Variants in PHRF1 observed in about 807,000 individuals in gnomAD.
PHRF1 encodes PHD and RING finger domain-containing protein 1.
A neutral mutation model predicts 128.9 loss-of-function variants in PHRF1; 53 were observed. The ratio of observed to expected loss-of-function variants is 0.41; its 90% confidence interval spans 0.33 to 0.52. The LOEUF is 0.52. PHRF1 is among the 20% of genes least tolerant of loss of function. The pLI, the probability that PHRF1 is intolerant of heterozygous loss-of-function variation, is 0.21. For missense variants in PHRF1, 2,503 were observed against 2,284.5 expected, an observed-to-expected ratio of 1.10 and a Z score of -1.95; for synonymous variants, 1,178 against 980.6, an observed-to-expected ratio of 1.20 and a Z score of -3.76.
At chr11:594,998 CA>C (rs1855199572) in intron 6 of PHRF1, among the ~76,000 whole-genome samples, 1 of 152,170 alleles carries the variant, frequency 6.6e-6, no homozygotes, top group South Asian at 2.1e-4. Context: ...TTACAATTTG[CA>C]GTCTGCCAAA....
At chr11:576,749 G>T (rs113794548) in intron 1 of PHRF1, among the ~76,000 whole-genome samples, 157 bp downstream of exon 1, 3 of 105,942 alleles carry the variant, frequency 2.8e-5, no homozygotes, top group African/African-American at 1.0e-4. Flanking sequence ...GCGCGCGCTG[G>T]GAGGCCCCGC....
rs1042692568 is a variant in PHRF1 at position 611,861 on chromosome 11, C to T, written c.*84C>T. Reference sequence around the variant, plus strand: ...ATGCCCGGGGAGCTGTCGGGAGTGGCGGGAATCGGGGCCATGCCCGGGGAG... The same window carrying T: ...ATGCCCGGGGAGCTGTCGGGAGTGGTGGGAATCGGGGCCATGCCCGGGGAG... On this transcript the variant is annotated 3_prime_UTR_variant, in exon 18 of 18. Coordinates refer to ENST00000264555, the MANE Select transcript of PHRF1 (RefSeq NM_001286581.2). 2.0e-5 allele frequency: 30 copies of T among 1,500,238 alleles called. 1 individual carries two copies. The highest frequency in any genetic ancestry group is 1.6e-4 in the South Asian group (13 of 79,424). 92.9% of individuals were successfully genotyped at this position (1,500,238 alleles called of 1,614,324 possible).
At chr11:591,912 GTT>G (rs61391789) in intron 5 of PHRF1, among the ~76,000 whole-genome samples, 35 of 132,732 alleles carry the variant, frequency 2.6e-4, no homozygotes, top group African/African-American at 7.9e-4. Flanking sequence ...ACACCCGGCT[GTT>G]TTTTTTTTTT....
Position 581,476 on chromosome 11 carries a change from CTCT to C in PHRF1, c.-21-11_-21-9del. 5 of 1,609,768 alleles carry C rather than the reference CTCT, an allele frequency of 3.1e-6. No individual in the cohort carries two copies. Among genetic ancestry groups the C allele is most frequent in the Non-Finnish European group, 8.5e-7 (1 of 1,177,370 alleles). ...CTGGGACAGTTTGGAAGTTGCTTGG[CTCT>C]TCTTTCTTTCAGAGCTGAGCTCAAT... is the stretch of plus-strand genomic sequence containing the variant. On this transcript the variant is annotated splice_polypyrimidine_tract_variant and intron_variant, in intron 1 of 17. Coordinates refer to ENST00000264555, the MANE Select transcript of PHRF1 (RefSeq NM_001286581.2).
chr11:605,844 C>T lies in PHRF1; in HGVS notation c.1454+120C>T. 2.1e-6 allele frequency: 3 copies of T among 1,407,558 alleles called. No homozygotes were observed. The South Asian group carries it at 4.4e-5, about 21-fold the overall frequency. The allele number at this position is 1,407,558 out of a possible 1,614,324, so 87.2% of individuals were successfully genotyped here. ...GGCCCTGGGTGGCGTCAGCACCTCCCCTCAGCTGTCATGCTCATCAGTCGG... is the reference window on the plus strand; with the variant it reads ...GGCCCTGGGTGGCGTCAGCACCTCCTCTCAGCTGTCATGCTCATCAGTCGG... On this transcript the variant is annotated intron_variant, in intron 12 of 17. Transcript: ENST00000264555.
At position 608,502 on chromosome 11, in the gene PHRF1, C is replaced by CGGA. The variant is rs778689948; in HGVS notation, c.3047_3049dup (p.Arg1016dup). 1 of 1,611,748 alleles carries CGGA rather than the reference C, an allele frequency of 6.2e-7. No homozygotes were observed. The highest frequency in any genetic ancestry group is 2.2e-5 in the East Asian group (1 of 44,888). On this transcript the variant is annotated inframe_insertion, in exon 14 of 18. Transcript: ENST00000264555. ...GAAGAGGGTGTCCAGGGAGCACGGA[C>CGGA]GGACGCGCTCTGGGACGCGCTCTGA...
At position 606,330 on chromosome 11, in the gene PHRF1, C is replaced by T. The variant is rs1381658766; in HGVS notation, c.1455-112C>T. Reference sequence around the variant, plus strand: ...GCCAGGGCTGTGGGGGAGGCGCAGGCCCGGCCCAGCCCCACTCTCCCTGGC... The same window carrying T: ...GCCAGGGCTGTGGGGGAGGCGCAGGTCCGGCCCAGCCCCACTCTCCCTGGC... On this transcript the variant is annotated intron_variant, in intron 12 of 17. Coordinates refer to ENST00000264555, the MANE Select transcript of PHRF1 (RefSeq NM_001286581.2). 6 of 1,355,494 alleles carry T rather than the reference C, an allele frequency of 4.4e-6. No homozygotes were observed. The East Asian group carries it at 7.8e-5, about 18-fold the overall frequency. 84.0% of individuals were successfully genotyped at this position (1,355,494 alleles called of 1,614,324 possible). A position where few individuals can be genotyped will look rare whatever the true frequency, so the allele number is the denominator to read the frequency against.
intron 1 of PHRF1, among the ~76,000 whole-genome samples, chr11:579,296 G>C (rs1412291744): frequency 7.5e-6 from 1 of 134,008 alleles, no homozygotes; most frequent in African/African-American, 3.1e-5. Flanking sequence ...TGGTCTCTTT[G>C]AAGTGTTCCT....
Position 581,495 on chromosome 11 carries a change from T to G in PHRF1, c.-18T>G, listed in dbSNP as rs767741039. 15 of 1,612,944 alleles carry G rather than the reference T, an allele frequency of 9.3e-6. No homozygotes were observed. Among genetic ancestry groups the G allele is most frequent in the African/African-American group, 4.0e-5 (3 of 74,916 alleles). On this transcript the variant is annotated 5_prime_UTR_variant, in exon 2 of 18. Transcript: ENST00000264555. ...GCTTGGCTCTTCTTTCTTTCAGAGC[T>G]GAGCTCAATGTGCAGCAATGGATGA...
chr11:594,059 A>G (rs1319850541), intron 6 of PHRF1, among the ~76,000 whole-genome samples: 2 of 152,008 alleles, frequency 1.3e-5, no homozygotes, highest in Admixed American at 6.6e-5. Flanking sequence ...CACAGTGCTT[A>G]TTGGCTGTTG....
At chr11:582,878 C>CA (rs1854292170) in intron 3 of PHRF1, among the ~76,000 whole-genome samples, 1 of 147,236 alleles carries the variant, frequency 6.8e-6, no homozygotes, top group East Asian at 2.3e-4. Flanking sequence ...ACTACAAATA[C>CA]AAAAAATTAG....
chr11:609,854 TG>T (rs906387957), intron 14 of PHRF1, 134 bp downstream of exon 14: 17 of 600,082 alleles, frequency 2.8e-5, no homozygotes, highest in Non-Finnish European at 4.7e-5. Flanking sequence ...AGTAGGGCCC[TG>T]GCCTCCGCTG....
At position 607,950 on chromosome 11, in the gene PHRF1, C is replaced by T; in HGVS notation, c.2494C>T (p.Pro832Ser). The T allele has an allele frequency of 3.1e-6, 5 of 1,612,172 alleles. No homozygotes were observed. The highest frequency in any genetic ancestry group is 4.2e-6 in the Non-Finnish European group (5 of 1,179,874). The change falls in exon 14 of 18, where the codon CCA becomes TCA. Residue 832 changes from proline (P) to serine (S), a missense_variant. Transcript: ENST00000264555. ...GCAGCTGCGGAGCGAGGTCTACGAC[C>T]CATCCGACCCCACCGGCTCCGACTC... ...TKQLRSEVYD[P>S]SDPTGSDSSA...
chr11:600,495 T>TAAATAAATAAATATAC (rs749599842), intron 9 of PHRF1, among the ~76,000 whole-genome samples: 1 of 38,980 alleles, frequency 2.6e-5, no homozygotes, highest in African/African-American at 5.2e-5. Context: ...TCTCCAAAAA[T>TAAATAAATAAATATAC]ATATATATAT....
At chr11:588,634 C>G (rs1854734020) in intron 4 of PHRF1, among the ~76,000 whole-genome samples, 1 of 152,138 alleles carries the variant, frequency 6.6e-6, no homozygotes, top group South Asian at 2.1e-4. Flanking sequence ...CCGTCTCGGC[C>G]TCCCAAACTG....
Position 609,163 on chromosome 11 carries a change from A to G in PHRF1, c.3707A>G (p.Asp1236Gly), listed in dbSNP as rs749043696. ...GTCTCGCCGGAGGTGGCTACGGCCG[A>G]CAAGGCCCCCCTGCAGGCTCCCCCT... ...AHVSPEVATADKAPLQAPPVL... is the reference protein window; with the variant it reads ...AHVSPEVATAGKAPLQAPPVL... Residue 1236 changes from aspartate (D) to glycine (G), a missense_variant, in exon 14 of 18, where the codon GAC (aspartate) becomes GGC (glycine). Physicochemically the swap from Asp to Gly is moderately conservative, Grantham distance 94. Transcript: ENST00000264555. The G allele has an allele frequency of 1.4e-5, 23 of 1,606,066 alleles. No individual in the cohort carries two copies. In the African/African-American group the frequency reaches 2.4e-4, roughly 17 times the overall value.
rs1856087710 is a variant in PHRF1, at chr11:608,276, C to T, written c.2820C>T (p.Pro940=). 10 of 1,610,066 alleles carry T rather than the reference C, an allele frequency of 6.2e-6. No homozygotes were observed. Among genetic ancestry groups the T allele is most frequent in the African/African-American group, 1.3e-5 (1 of 74,902 alleles). The change falls in exon 14 of 18, where the codon CCC becomes CCT. Residue 940 remains proline (P), a synonymous_variant. Transcript: ENST00000264555. ...ARLRRPSPPE[P]WDEEDGASCS... ...TGCGGAGGCCATCCCCCCCAGAGCC[C>T]TGGGATGAGGAGGATGGGGCGTCTT...
chr11:601,093 G>C (rs191739729), intron 9 of PHRF1, among the ~76,000 whole-genome samples: 1 of 152,182 alleles, frequency 6.6e-6, no homozygotes, highest in Non-Finnish European at 1.5e-5. Flanking sequence ...GGAGGTTGCA[G>C]TGAGGTAAGA....
Position 605,689 on chromosome 11 carries a change from G to C in PHRF1, c.1419G>C (p.Gln473His). ...ALSRSALQSH[Q>H]PVARPVSVGL... ...CCCGGTCAGCCCTGCAGTCCCACCA[G>C]CCCGTGGCCAGGCCCGTCTCCGTGG... Residue 473 changes from glutamine (Q) to histidine (H), a missense_variant, in exon 12 of 18, where the codon CAG becomes CAC. Coordinates refer to ENST00000264555, the MANE Select transcript of PHRF1 (RefSeq NM_001286581.2). The C allele has an allele frequency of 3.7e-6, 6 of 1,613,094 alleles. No homozygotes were observed. Among genetic ancestry groups the C allele is most frequent in the Non-Finnish European group, 4.2e-6 (5 of 1,179,852 alleles).
Sources: allele counts gnomAD v4.1 joint callset (sites outside exome capture counted in the v4.1 genomes callset), GRCh38; gene constraint gnomAD v4.1.1; transcripts MANE v1.5; gene names NCBI Gene and HGNC (gene_info 2026-07-23, HGNC 2026-07-21).